Variants in ANKRD27 observed in about 807,000 individuals in gnomAD.
ANKRD27 encodes ankyrin repeat domain 27.
A neutral mutation model predicts 129.7 loss-of-function variants in ANKRD27; 112 were observed. The ratio of observed to expected loss-of-function variants is 0.86; its 90% confidence interval spans 0.74 to 1.01. The LOEUF (loss-of-function observed/expected upper bound fraction) is 1.01. ANKRD27 is among the 50% of genes least tolerant of loss of function. The pLI is 0.00. For missense variants in ANKRD27, 1,258 were observed against 1,300.5 expected, an observed-to-expected ratio of 0.97 and a Z score of 0.50; for synonymous variants, 516 against 511.2, an observed-to-expected ratio of 1.01 and a Z score of -0.13.
chr19:32,644,327 TGTG>T lies in ANKRD27; in HGVS notation c.520_522del (p.His174del). ...CAGAGGACAGCACGGCTACTGACTA[TGTG>T]GTGACGGAGGCTCTTTCTCTCGCAT... is the stretch of plus-strand genomic sequence containing the variant. On this transcript the variant is annotated inframe_deletion, in exon 5 of 29. Transcript: ENST00000306065. 6.2e-7 allele frequency: 1 copy of T among 1,612,266 alleles called. No homozygotes were observed. The highest frequency in any genetic ancestry group is 8.5e-7 in the Non-Finnish European group (1 of 1,179,500).
intron 13 of ANKRD27, among the ~76,000 whole-genome samples, chr19:32,629,675 G>C (rs1966956227): frequency 6.6e-6 from 1 of 151,874 alleles, no homozygotes; most frequent in Non-Finnish European, 1.5e-5. Context: ...ACTCCAGCCT[G>C]GGTGACAGAG....
intron 4 of ANKRD27, among the ~76,000 whole-genome samples, chr19:32,644,751 T>C (rs1007208339): frequency 6.6e-6 from 1 of 152,204 alleles, no homozygotes; most frequent in Non-Finnish European, 1.5e-5. Flanking sequence ...AGCACATTAT[T>C]ATCTCAATTT....
chr19:32,656,112 GAAAAGA>G (rs1568417845), intron 2 of ANKRD27, among the ~76,000 whole-genome samples: 22 of 111,216 alleles, frequency 2.0e-4, no homozygotes, highest in African/African-American at 7.1e-4. Context: ...AGAAAGAAAA[GAAAAGA>G]AAAGAAAAGA....
intron 15 of ANKRD27, among the ~76,000 whole-genome samples, 173 bp from the exon 16 acceptor site, chr19:32,627,000 T>A (rs1053422938): frequency 6.6e-6 from 1 of 152,034 alleles, no homozygotes; most frequent in Non-Finnish European, 1.5e-5. Context: ...CTCCGCAGAC[T>A]CCAGACATGT....
At position 32,613,070 on chromosome 19, in the gene ANKRD27, T is replaced by TCAAAAC. The variant is rs559725289; in HGVS notation, c.2175+2587_2175+2588insGTTTTG. Among the ~76,000 whole-genome samples, 391 of 62,268 alleles carry TCAAAAC rather than the reference T, an allele frequency of 6.3e-3. 1 individual carries two copies. The highest frequency in any genetic ancestry group is 0.017 in the African/African-American group (371 of 22,444). The allele number at this position is 62,268 out of a possible 152,430, so 40.9% of individuals were successfully genotyped here. A position where few individuals can be genotyped will look rare whatever the true frequency, so the allele number is the denominator to read the frequency against. ...TATCCACATATCTAGAATATATAAA[T>TCAAAAC]TCAACGATAAAGCCAAAAACAAACC... On this transcript the variant is annotated intron_variant, in intron 22 of 28. Coordinates refer to ENST00000306065, the MANE Select transcript of ANKRD27 (RefSeq NM_032139.3).
rs78565774 is a variant in ANKRD27 at position 32,643,766 on chromosome 19, C to CT, written c.526-136dup. The CT allele has an allele frequency of 2.3e-3, 1,921 of 821,266 alleles. 3 individuals are homozygous for CT. Among genetic ancestry groups the CT allele is most frequent in the South Asian group, 5.6e-3 (350 of 61,958 alleles). The allele number at this position is 821,266 out of a possible 1,614,324, so 50.9% of individuals were successfully genotyped here. A position where few individuals can be genotyped will look rare whatever the true frequency, so the allele number is the denominator to read the frequency against. ...AAGTCAATTACGTGATTTTTCTCAACTTTTTTTTTAGGTGTATATGCATTA... is the reference window on the plus strand; with the variant it reads ...AAGTCAATTACGTGATTTTTCTCAACTTTTTTTTTTAGGTGTATATGCATTA... On this transcript the variant is annotated intron_variant, in intron 5 of 28. Coordinates refer to ENST00000306065, the MANE Select transcript of ANKRD27 (RefSeq NM_032139.3).
intron 3 of ANKRD27, among the ~76,000 whole-genome samples, chr19:32,648,208 G>C (rs867801567): frequency 2.0e-5 from 3 of 152,210 alleles, no homozygotes; most frequent in South Asian, 4.1e-4. Context: ...GCAGGTTGCA[G>C]TGAGCTGAGA....
At chr19:32,606,818 C>A (rs1971746694) in intron 23 of ANKRD27, among the ~76,000 whole-genome samples, 1 of 151,314 alleles carries the variant, frequency 6.6e-6, no homozygotes, top group South Asian at 2.1e-4. Context: ...TAAAGAAAAG[C>A]AGGGCCTGGT....
At chr19:32,631,337 A>T (rs1210852165) in intron 13 of ANKRD27, 65 bp downstream of exon 13, 10 of 1,436,966 alleles carry the variant, frequency 7.0e-6, no homozygotes, top group Admixed American at 1.7e-5. Context: ...TGGATTTTAT[A>T]GAGGCACCAA....
intron 16 of ANKRD27, among the ~76,000 whole-genome samples, chr19:32,626,231 G>A (rs766245335): frequency 2.6e-5 from 4 of 152,124 alleles, no homozygotes; most frequent in Admixed American, 2.6e-4. Flanking sequence ...GCAGTGGCAC[G>A]ATCATTGCTC....
chr19:32,621,062 G>C (rs1305785986), intron 18 of ANKRD27, among the ~76,000 whole-genome samples: 1 of 152,036 alleles, frequency 6.6e-6, no homozygotes, highest in African/African-American at 2.4e-5. Flanking sequence ...CCTCAATAAA[G>C]AGGTTTAGAG....
chr19:32,652,668 C>T (rs994698868), intron 2 of ANKRD27, among the ~76,000 whole-genome samples: 5 of 152,060 alleles, frequency 3.3e-5, no homozygotes, highest in Admixed American at 6.6e-5. Flanking sequence ...TGGCTCACGC[C>T]TGTAATCACA....
chr19:32,649,632 C>A (rs1967372908), intron 3 of ANKRD27, 50 bp downstream of exon 3: 1 of 1,274,444 alleles, frequency 7.8e-7, no homozygotes, highest in Non-Finnish European at 1.1e-6. Flanking sequence ...TCCCCTCTGG[C>A]CCCAAACACC....
chr19:32,607,762 T>C lies in ANKRD27; in HGVS notation c.2246A>G (p.His749Arg). ...VTSQDGSSPL[H>R]VAALHGRADL... ...CGCCCGGCCGTGCAGGGCGGCGACA[T>C]GCAGCGGGGAGGAGCCGTCCTGGCT... Residue 749 changes from histidine to arginine, a missense_variant, in exon 23 of 29, where the codon CAT becomes CGT. Transcript: ENST00000306065. The C allele has an allele frequency of 3.1e-6, 5 of 1,612,946 alleles. No individual in the cohort carries two copies. Among genetic ancestry groups the C allele is most frequent in the Non-Finnish European group, 4.2e-6 (5 of 1,179,652 alleles).
intron 1 of ANKRD27, 64 bp from the exon 2 acceptor site, chr19:32,659,109 T>A: frequency 1.4e-6 from 1 of 727,520 alleles, no homozygotes; most frequent in South Asian, 1.6e-5. Flanking sequence ...CATGAAAGTC[T>A]GCATCTGATG....
At chr19:32,613,064 T>C (rs1169674166) in intron 22 of ANKRD27, among the ~76,000 whole-genome samples, 1 of 150,446 alleles carries the variant, frequency 6.6e-6, no homozygotes, top group Non-Finnish European at 1.5e-5. Context: ...ATCTAGAATA[T>C]ATAAATTCAA....
intron 15 of ANKRD27, among the ~76,000 whole-genome samples, chr19:32,627,800 C>T (rs1412283721): frequency 6.6e-6 from 1 of 152,252 alleles, no homozygotes; most frequent in Non-Finnish European, 1.5e-5. Flanking sequence ...CAGATTCAAG[C>T]CTTCCCTTGC....
chr19:32,654,302 C>T (rs1442250461), intron 2 of ANKRD27, among the ~76,000 whole-genome samples: 2 of 152,136 alleles, frequency 1.3e-5, no homozygotes, highest in Non-Finnish European at 2.9e-5. Context: ...AGGTTATGAC[C>T]AGCCTGGGCA....
At chr19:32,626,084 T>C (rs1972086385) in intron 16 of ANKRD27, 118 bp from the exon 17 acceptor site, 2 of 708,740 alleles carry the variant, frequency 2.8e-6, no homozygotes, top group Non-Finnish European at 4.3e-6. Flanking sequence ...TATGCTACTA[T>C]TCAAATTAAA....
Sources: gnomAD v4.1 joint callset for allele counts (sites outside exome capture counted in the v4.1 genomes callset) on GRCh38, gnomAD v4.1.1 for gene constraint, MANE v1.5 for transcripts, NCBI Gene and HGNC (gene_info 2026-07-23, HGNC 2026-07-21) for gene names.